Variants in USP43 observed in about 807,000 individuals in gnomAD.
USP43 encodes the protein ubiquitin specific peptidase 43, also known as ubiquitin carboxyl-terminal hydrolase 43.
Under a neutral mutation model 90.7 loss-of-function variants are expected in USP43, and 33 were observed. The observed-to-expected ratio is 0.36, with a 90% CI of 0.28 to 0.49. The LOEUF is 0.49. Ranked by LOEUF, USP43 falls within the 20% of genes least tolerant of loss-of-function variation. USP43 has a pLI of 0.98. For synonymous variants in USP43, 598 were observed against 615.8 expected, an observed-to-expected ratio of 0.97 and a Z score of 0.43; for missense variants, 1,274 against 1,476.4, an observed-to-expected ratio of 0.86 and a Z score of 2.25.
chr17:9,701,634 G>C lies in USP43; in HGVS notation c.1945G>C (p.Asp649His), dbSNP rs1237454127. 1 of 1,591,320 alleles carries C rather than the reference G, an allele frequency of 6.3e-7. No individual in the cohort carries two copies. The highest frequency in any genetic ancestry group is 8.5e-7 in the Non-Finnish European group (1 of 1,169,670). ...CTGCCTGCCCACCAGTTACCCGCTG[G>C]ACTTCCTGTACGACCTGTATGCCGT... ...PDCLPTSYPL[D>H]FLYDLYAVCN... Residue 649 changes from aspartate (D) to histidine (H), a missense_variant, in exon 12 of 15, where the codon GAC becomes CAC. Physicochemically the swap from Asp to His is moderately conservative, Grantham distance 81. Around this residue, in one of 6 missense-constraint regions of USP43, gnomAD observed 285 missense variants for 349.6 expected, o/e 0.82. Coordinates refer to ENST00000285199, the MANE Select transcript of USP43 (RefSeq NM_153210.5). This position sits in a 1 kb window ranked among gnomAD's most constrained non-coding sequence, Gnocchi z 7.2.
At chr17:9,696,966 C>T (rs968186212) in intron 9 of USP43, among the ~76,000 whole-genome samples, 3 of 152,252 alleles carry the variant, frequency 2.0e-5, no homozygotes, top group Non-Finnish European at 2.9e-5. Context: ...CCTATAATCC[C>T]AGCACTTGGG....
chr17:9,645,666 G>A lies in USP43; in HGVS notation c.34G>A (p.Gly12Arg). 5 of 1,271,280 alleles carry A rather than the reference G, an allele frequency of 3.9e-6. No individual in the cohort carries two copies. Among genetic ancestry groups the A allele is most frequent in the Non-Finnish European group, 4.9e-6 (5 of 1,014,592 alleles). 78.7% of individuals were successfully genotyped at this position (1,271,280 alleles called of 1,614,324 possible). The change falls in exon 1 of 15, where the codon GGA becomes AGA. Residue 12 changes from glycine (G) to arginine (R), a missense_variant. By Grantham distance (125) the Gly-to-Arg change is moderately radical. Transcript: ENST00000285199. This position sits in a 1 kb window ranked among gnomAD's most constrained non-coding sequence, Gnocchi z 6.8. Reference protein sequence around the residue: ...DLGPGDAAGGGPLAPRPRRRR... With the variant: ...DLGPGDAAGGRPLAPRPRRRR... ...GGGCCCCGGGGACGCGGCAGGAGGG[G>A]GACCGCTCGCGCCCCGGCCCCGCCG...
chr17:9,727,262 A>G (rs1038016417), intron 14 of USP43, among the ~76,000 whole-genome samples: 2 of 152,148 alleles, frequency 1.3e-5, no homozygotes, highest in Non-Finnish European at 2.9e-5. Context: ...AAAATACACA[A>G]CCTTGGTTGT....
chr17:9,693,833 A>G (rs1319408588), intron 9 of USP43, among the ~76,000 whole-genome samples: 3 of 152,196 alleles, frequency 2.0e-5, no homozygotes, highest in African/African-American at 4.8e-5. Flanking sequence ...GCAAGACTCC[A>G]TCTCAAAAAA....
chr17:9,649,462 T>A (rs1490654135), intron 1 of USP43, among the ~76,000 whole-genome samples: 1 of 152,094 alleles, frequency 6.6e-6, no homozygotes, highest in African/African-American at 2.4e-5. Flanking sequence ...TGAGCTTCTC[T>A]TGGCCCTGTC....
chr17:9,656,655 A>G, intron 2 of USP43, 121 bp downstream of exon 2: 1 of 1,282,124 alleles, frequency 7.8e-7, no homozygotes, highest in Non-Finnish European at 1.0e-6. Flanking sequence ...TAGTCTGGCT[A>G]CTATATCCAC....
intron 1 of USP43, among the ~76,000 whole-genome samples, chr17:9,652,143 G>A (rs1242268394): frequency 6.7e-6 from 1 of 149,556 alleles, no homozygotes; most frequent in Non-Finnish European, 1.5e-5. Flanking sequence ...CTAGCACTTT[G>A]AGAGGCCGAG....
intron 1 of USP43, among the ~76,000 whole-genome samples, chr17:9,651,183 GTTTGTTTTT>G: frequency 6.7e-6 from 1 of 150,238 alleles, no homozygotes; most frequent in South Asian, 2.1e-4. Context: ...TGTTTTTTTT[GTTTGTTTTT>G]TTTGTTTTTT....
At chr17:9,714,928 C>T (rs145116593) in intron 14 of USP43, among the ~76,000 whole-genome samples, 133 of 152,238 alleles carry the variant, frequency 8.7e-4, no homozygotes, top group African/African-American at 2.9e-3. Flanking sequence ...GGCTGGAAGG[C>T]CACCGGTGAC....
intron 5 of USP43, among the ~76,000 whole-genome samples, chr17:9,677,875 C>T (rs868075392): frequency 4.6e-5 from 7 of 152,338 alleles, no homozygotes; most frequent in African/African-American, 9.6e-5. Flanking sequence ...ATAACCTCCA[C>T]GCTTCCTGAG....
At position 9,712,088 on chromosome 17, in the gene USP43, C is replaced by G. The variant is rs1916232542; in HGVS notation, c.2291C>G (p.Pro764Arg). ...CCCTGCCCCTCCCTGCCCCAGGTTC[C>G]TGACTCTCCCATCTTCACCAACAGC... ...SAPCPSLPQV[P>R]DSPIFTNSLC... Residue 764 changes from proline (P) to arginine (R), a missense_variant, in exon 14 of 15, where the codon CCT (proline) becomes CGT (arginine). Around this residue, in one of 6 missense-constraint regions of USP43, gnomAD observed 285 missense variants for 349.6 expected, o/e 0.82. Transcript: ENST00000285199. The G allele has an allele frequency of 1.2e-6, 2 of 1,609,664 alleles. No homozygotes were observed. The highest frequency in any genetic ancestry group is 1.1e-5 in the South Asian group (1 of 90,582).
At chr17:9,681,076 CATATATA>C (rs1255785145) in intron 6 of USP43, among the ~76,000 whole-genome samples, 4 of 91,432 alleles carry the variant, frequency 4.4e-5, no homozygotes, top group Admixed American at 3.9e-4. Context: ...TATTATATAT[CATATATA>C]ATATAATATA....
At chr17:9,722,438 T>C (rs6503240) in intron 14 of USP43, among the ~76,000 whole-genome samples, 31,982 of 152,098 alleles carry the variant, frequency 0.21, 5,331 homozygotes, top group African/African-American at 0.46. Flanking sequence ...TCCATGCCGA[T>C]GTAATGTAAC....
rs113272892 is a variant in USP43 at position 9,691,753 on chromosome 17, T to TA, written c.1354-1364dup. 2.4e-4 allele frequency among the ~76,000 whole-genome samples: 36 copies of TA among 149,348 alleles called. 1 individual carries two copies. The highest frequency in any genetic ancestry group is 3.4e-3 in the Middle Eastern group (1 of 290). On this transcript the variant is annotated intron_variant, in intron 8 of 14. Transcript: ENST00000285199. Reference sequence around the variant, plus strand: ...CTTGCCAATGCTTGTTATTTTCCATTAAAAAAAAAATTAGGCCAGGTGCGG... The same window carrying TA: ...CTTGCCAATGCTTGTTATTTTCCATTAAAAAAAAAAATTAGGCCAGGTGCGG...
At chr17:9,676,933 G>C in intron 5 of USP43, 52 bp downstream of exon 5, 1 of 1,590,258 alleles carries the variant, frequency 6.3e-7, no homozygotes, top group Non-Finnish European at 8.6e-7. Flanking sequence ...AATGCTAACT[G>C]AGCCAGCTGT....
At chr17:9,698,551 A>G (rs1292159708) in intron 9 of USP43, among the ~76,000 whole-genome samples, 5 of 152,192 alleles carry the variant, frequency 3.3e-5, no homozygotes, top group African/African-American at 9.6e-5. Context: ...TTGGAGTAGC[A>G]TCGCTCCATA....
In USP43 at chr17:9,729,151, TC is replaced by T; in HGVS notation, c.*163del. On this transcript the variant is annotated 3_prime_UTR_variant, in exon 15 of 15. Coordinates refer to ENST00000285199, the MANE Select transcript of USP43 (RefSeq NM_153210.5). ...GGTGGGGGGTCTCCATATCTAGACTTCCAACACCCAAGGTCCATATAACCCA... is the reference window on the plus strand; with the variant it reads ...GGTGGGGGGTCTCCATATCTAGACTTCAACACCCAAGGTCCATATAACCCA... 2 of 564,044 alleles carry T rather than the reference TC, an allele frequency of 3.5e-6. No individual in the cohort carries two copies. The highest frequency in any genetic ancestry group is 5.6e-6 in the Non-Finnish European group (2 of 359,612). 34.9% of individuals were successfully genotyped at this position (564,044 alleles called of 1,614,324 possible).
chr17:9,648,229 C>T (rs991780581), intron 1 of USP43, among the ~76,000 whole-genome samples: 2 of 152,150 alleles, frequency 1.3e-5, no homozygotes, highest in Admixed American at 6.5e-5. Flanking sequence ...GGGTAGTCAG[C>T]TTTGGAGGGA....
intron 9 of USP43, among the ~76,000 whole-genome samples, chr17:9,698,883 GT>G (rs1915415029): frequency 6.6e-6 from 1 of 152,212 alleles, no homozygotes; most frequent in African/African-American, 2.4e-5. Flanking sequence ...TTTCAAATGT[GT>G]TTCCCCAGAA....
Sources: gnomAD v4.1 joint callset for allele counts (sites outside exome capture counted in the v4.1 genomes callset) on GRCh38, gnomAD v4.1.1 for gene constraint, gnomAD v4.1.1 regional missense constraint, Gnocchi (gnomAD v3.1) non-coding constraint, MANE v1.5 for transcripts, NCBI Gene and HGNC (gene_info 2026-07-23, HGNC 2026-07-21) for gene names.